Variants in MTUS1 observed in about 807,000 individuals in gnomAD.
The protein encoded by MTUS1 is microtubule associated scaffold protein 1.
MTUS1 carries 109 observed loss-of-function variants against 120.8 expected under a neutral mutation model. That is an observed-to-expected ratio of 0.90 (90% confidence interval 0.77 to 1.06). The LOEUF (loss-of-function observed/expected upper bound fraction) is 1.06. Among genes scored for constraint, MTUS1 ranks in the 50% least tolerant of loss-of-function variants. The probability of loss-of-function intolerance (pLI) is 0.00; values close to 1 mark genes in which losing one functional copy is unlikely to be tolerated. For missense variants in MTUS1, 2,210 were observed against 1,486.3 expected, an observed-to-expected ratio of 1.49 and a Z score of -8.01; for synonymous variants, 737 against 550.5, an observed-to-expected ratio of 1.34 and a Z score of -4.74.
chr8:17,662,033 G>C (rs1473366455), intron 8 of MTUS1, among the ~76,000 whole-genome samples: 1 of 152,194 alleles, frequency 6.6e-6, no homozygotes, highest in Admixed American at 6.5e-5. Context: ...CTCCTCGGCA[G>C]CTGTGACATA....
intron 4 of MTUS1, among the ~76,000 whole-genome samples, chr8:17,719,549 G>T (rs901019090): frequency 1.3e-5 from 2 of 152,178 alleles, no homozygotes; most frequent in East Asian, 1.9e-4. Context: ...TCAGAAGTGC[G>T]TAAGTACTAA....
intron 5 of MTUS1, among the ~76,000 whole-genome samples, chr8:17,713,515 A>G (rs1191577395): frequency 6.6e-6 from 1 of 152,192 alleles, no homozygotes; most frequent in Non-Finnish European, 1.5e-5. Flanking sequence ...GAAAAGCCGC[A>G]GTATTTTTTC....
At chr8:17,797,966 T>G (rs182147015) in intron 1 of MTUS1, among the ~76,000 whole-genome samples, 122 of 152,228 alleles carry the variant, frequency 8.0e-4, no homozygotes, top group African/African-American at 2.8e-3. Flanking sequence ...AGTAGCAGTA[T>G]TGGAAATTAA....
At chr8:17,783,095 C>CAA (rs1388433731) in intron 1 of MTUS1, among the ~76,000 whole-genome samples, 1 of 151,956 alleles carries the variant, frequency 6.6e-6, no homozygotes, top group East Asian at 1.9e-4. Flanking sequence ...AACAAACAAA[C>CAA]ACACACACGC....
At chr8:17,710,900 C>T (rs1275481533) in intron 6 of MTUS1, among the ~76,000 whole-genome samples, 3 of 152,156 alleles carry the variant, frequency 2.0e-5, no homozygotes, top group African/African-American at 7.2e-5. Flanking sequence ...CTATATATTA[C>T]TATGTAATAC....
chr8:17,749,659 CAAAAAAAAAAA>C (rs768210060), intron 2 of MTUS1, among the ~76,000 whole-genome samples: 6 of 76,416 alleles, frequency 7.9e-5, no homozygotes, highest in African/African-American at 2.9e-4. Context: ...GAATCTGTCT[CAAAAAAAAAAA>C]AAAAAAAAGA....
chr8:17,703,271 T>C (rs1326193266), intron 6 of MTUS1, among the ~76,000 whole-genome samples: 2 of 152,118 alleles, frequency 1.3e-5, no homozygotes, highest in Non-Finnish European at 2.9e-5. Flanking sequence ...ATTAAGACCC[T>C]AGGAAAAGAA....
chr8:17,676,088 G>C (rs1273918313), intron 7 of MTUS1: 15 of 573,116 alleles, frequency 2.6e-5, no homozygotes, highest in Non-Finnish European at 3.4e-5. Context: ...GCTGAAAAAT[G>C]CCCTCACGAG....
chr8:17,662,870 A>T (rs908613137), intron 8 of MTUS1, among the ~76,000 whole-genome samples: 2 of 151,890 alleles, frequency 1.3e-5, no homozygotes, highest in Non-Finnish European at 2.9e-5. Context: ...AAAAGGAAGA[A>T]AGGAGGAAGG....
At chr8:17,655,286 T>C (rs573987482) in intron 9 of MTUS1, among the ~76,000 whole-genome samples, 2 of 137,076 alleles carry the variant, frequency 1.5e-5, no homozygotes, top group Non-Finnish European at 3.1e-5. Flanking sequence ...CAGATGCCAC[T>C]AAAAAAAAAA....
At chr8:17,723,581 G>T (rs752407306) in intron 4 of MTUS1, 91 bp downstream of exon 4, 30 of 1,422,000 alleles carry the variant, frequency 2.1e-5, no homozygotes, top group Non-Finnish European at 2.8e-5. Flanking sequence ...TGAAACCCCA[G>T]AAACAAAAAT....
intron 1 of MTUS1, among the ~76,000 whole-genome samples, chr8:17,776,630 G>C (rs934949721): frequency 6.8e-5 from 9 of 131,650 alleles, no homozygotes; most frequent in Admixed American, 2.7e-4. Context: ...AGTGAGGTGA[G>C]ACTGCACCAC....
chr8:17,698,783 G>C (rs1234385215), intron 6 of MTUS1, among the ~76,000 whole-genome samples: 1 of 152,098 alleles, frequency 6.6e-6, no homozygotes, highest in Non-Finnish European at 1.5e-5. Context: ...GTCAGCAAGA[G>C]AGACAGACCC....
chr8:17,723,803 G>C lies in MTUS1; in HGVS notation c.2318C>G (p.Ser773Trp). 6.2e-7 allele frequency: 1 copy of C among 1,601,280 alleles called. No homozygotes were observed. The highest frequency in any genetic ancestry group is 8.5e-7 in the Non-Finnish European group (1 of 1,173,282). Residue 773 changes from serine to tryptophan, a missense_variant, in exon 4 of 15, where the codon TCG becomes TGG. Physicochemically the swap from Ser to Trp is radical, Grantham distance 177. Transcript: ENST00000693296. ...TGGTCTAGGCAAATTCACCCATGACGACTGTGCAGTTTTCAAGGATGTAGG... is the reference window on the plus strand; with the variant it reads ...TGGTCTAGGCAAATTCACCCATGACCACTGTGCAGTTTTCAAGGATGTAGG... ...GKPTSLKTAQ[S>W]SWVNLPRPLP...
intron 1 of MTUS1, among the ~76,000 whole-genome samples, chr8:17,777,490 T>C (rs2050546411): frequency 6.7e-6 from 1 of 149,248 alleles, no homozygotes; most frequent in African/African-American, 2.5e-5. Flanking sequence ...AGTGTGTCCC[T>C]GGAACTAAAT....
At chr8:17,656,621 G>T (rs1256374082) in intron 8 of MTUS1, among the ~76,000 whole-genome samples, 1 of 140,370 alleles carries the variant, frequency 7.1e-6, no homozygotes, top group South Asian at 2.2e-4. Context: ...AGGTTTCTAA[G>T]AGAAGATCCC....
intron 3 of MTUS1, among the ~76,000 whole-genome samples, chr8:17,726,779 G>A (rs532295266): frequency 1.3e-5 from 2 of 152,208 alleles, no homozygotes; most frequent in South Asian, 4.1e-4. Context: ...TTGCCAAATT[G>A]CCGCCCCTTC....
intron 1 of MTUS1, among the ~76,000 whole-genome samples, chr8:17,759,559 G>C (rs73208606): frequency 6.7e-6 from 1 of 148,476 alleles, no homozygotes; most frequent in Non-Finnish European, 1.5e-5. Context: ...AAGGGGGCAG[G>C]ATTCTTTATA....
At chr8:17,748,732 G>C (rs1033169317) in intron 2 of MTUS1, among the ~76,000 whole-genome samples, 1 of 149,096 alleles carries the variant, frequency 6.7e-6, no homozygotes, top group Admixed American at 6.6e-5. Flanking sequence ...GAGCATGGCG[G>C]GCTGAATGGG....
Sources: allele counts gnomAD v4.1 joint callset (sites outside exome capture counted in the v4.1 genomes callset), GRCh38; gene constraint gnomAD v4.1.1; transcripts MANE v1.5; gene names NCBI Gene and HGNC (gene_info 2026-07-23, HGNC 2026-07-21).